TLCD4: variants seen among roughly 807,000 people sequenced by gnomAD.
TLCD4 encodes the protein TLC domain-containing protein 4.
In TLCD4, 7 loss-of-function variants were observed where a neutral mutation model predicts 24.2. That is an observed-to-expected ratio of 0.29 (90% CI 0.16 to 0.54). The LOEUF (loss-of-function observed/expected upper bound fraction) is 0.54, where lower values mean the gene tolerates loss of function less well. Among genes scored for constraint, TLCD4 ranks in the 20% least tolerant of loss-of-function variants. The probability of loss-of-function intolerance (pLI) is 0.95; values close to 1 mark genes in which losing one functional copy is unlikely to be tolerated. For synonymous variants in TLCD4, 103 were observed against 106.4 expected, an observed-to-expected ratio of 0.97 and a Z score of 0.20; for missense variants, 259 against 313.9, an observed-to-expected ratio of 0.82 and a Z score of 1.32.
chr1:95,097,193 AT>A, the TLCD4 span, among the ~76,000 whole-genome samples: 1 of 152,228 alleles, frequency 6.6e-6, no homozygotes, highest in Non-Finnish European at 1.5e-5. Context: ...TAGGATATCC[AT>A]CACCTTAAAT....
At chr1:95,140,107 T>C (rs1453731951) in intron 1 of TLCD4, among the ~76,000 whole-genome samples, 1 of 151,562 alleles carries the variant, frequency 6.6e-6, no homozygotes, top group Admixed American at 6.6e-5. Context: ...GTGTGTGTGG[T>C]TTTTTTTAAT....
At position 95,143,954 on chromosome 1, in the gene TLCD4, C is replaced by T. The variant is rs1357183381; in HGVS notation, c.53C>T (p.Thr18Ile). 4 of 1,571,236 alleles carry T rather than the reference C, an allele frequency of 2.5e-6. No homozygotes were observed. The highest frequency in any genetic ancestry group is 1.7e-4 in the Middle Eastern group (1 of 5,892). ...LISVTCISFF[T>I]FQLLFYFVSY... is the part of the protein sequence containing the mutation. ...AGTGTTACCTGTATCAGCTTTTTCA[C>T]CTTTCAGCTTCTTTTCTACTTTGTA... Residue 18 changes from threonine to isoleucine, a missense_variant, in exon 2 of 7, where the codon ACC becomes ATC. Physicochemically the swap from Thr to Ile is moderately conservative, Grantham distance 89. Transcript: ENST00000370203.
chr1:95,110,455 A>G, the TLCD4 span, among the ~76,000 whole-genome samples: 2 of 152,140 alleles, frequency 1.3e-5, no homozygotes, highest in Non-Finnish European at 2.9e-5. Flanking sequence ...ATGTCCAACA[A>G]TAAGGGATTG....
intron 5 of TLCD4, among the ~76,000 whole-genome samples, chr1:95,153,930 A>G (rs1037608161): frequency 1.3e-5 from 2 of 152,104 alleles, no homozygotes; most frequent in Non-Finnish European, 2.9e-5. Context: ...GGGGTGGTAA[A>G]GAGAGGTAGG....
chr1:95,151,784 G>C (rs1420590524), intron 5 of TLCD4, among the ~76,000 whole-genome samples: 1 of 152,102 alleles, frequency 6.6e-6, no homozygotes, highest in African/African-American at 2.4e-5. Context: ...TTTCTTTTCT[G>C]TTTAATTCCA....
intron 5 of TLCD4, among the ~76,000 whole-genome samples, chr1:95,154,448 C>T (rs1677576838): frequency 6.6e-6 from 1 of 152,098 alleles, no homozygotes; most frequent in Admixed American, 6.6e-5. Flanking sequence ...GTAAGGATTA[C>T]CTATAGTAAA....
upstream of TLCD4, among the ~76,000 whole-genome samples, chr1:95,113,891 A>G (rs1006936399): frequency 6.6e-6 from 1 of 151,936 alleles, no homozygotes; most frequent in African/African-American, 2.4e-5. Flanking sequence ...GTCATGTGAT[A>G]TGGTATCTGT....
intron 6 of TLCD4, among the ~76,000 whole-genome samples, chr1:95,184,368 G>A (rs1172429942): frequency 6.7e-6 from 1 of 150,234 alleles, no homozygotes; most frequent in African/African-American, 2.5e-5. Flanking sequence ...TTTTTTCTGT[G>A]CCTGCAAATA....
At chr1:95,113,636 TG>T (rs1337843673), upstream of TLCD4, among the ~76,000 whole-genome samples, 3 of 152,202 alleles carry the variant, frequency 2.0e-5, no homozygotes, top group Non-Finnish European at 2.9e-5. Context: ...AAGAATTATT[TG>T]ATTTTTCACT....
At chr1:95,129,594 T>G (rs940309172) in intron 1 of TLCD4, among the ~76,000 whole-genome samples, 4 of 152,070 alleles carry the variant, frequency 2.6e-5, no homozygotes, top group Non-Finnish European at 5.9e-5. Flanking sequence ...ATACAAAAAT[T>G]AGCCGGGTAT....
chr1:95,179,316 T>TG (rs569214966), intron 6 of TLCD4, among the ~76,000 whole-genome samples: 413 of 152,336 alleles, frequency 2.7e-3, no homozygotes, highest in Non-Finnish European at 4.9e-3. Flanking sequence ...TTTTGGTCAG[T>TG]GGGGCTCTAG....
intron 5 of TLCD4, among the ~76,000 whole-genome samples, chr1:95,165,863 T>C (rs1215400761): frequency 6.6e-6 from 1 of 152,164 alleles, no homozygotes; most frequent in East Asian, 1.9e-4. Context: ...GGCTGCTTGG[T>C]TTCTGTTGTT....
At chr1:95,116,701 A>T (rs997729050), upstream of TLCD4, among the ~76,000 whole-genome samples, 2 of 152,204 alleles carry the variant, frequency 1.3e-5, no homozygotes, top group Non-Finnish European at 2.9e-5. Context: ...TTTATCTACT[A>T]GGCAACTTGG....
intron 4 of TLCD4, 147 bp from the exon 5 acceptor site, chr1:95,151,178 A>T: frequency 1.3e-6 from 1 of 773,354 alleles, no homozygotes; most frequent in Non-Finnish European, 2.1e-6. Context: ...ATGGTAAAGT[A>T]GATAATCAGA....
chr1:95,178,385 G>C (rs1678508987), intron 6 of TLCD4, among the ~76,000 whole-genome samples: 1 of 152,046 alleles, frequency 6.6e-6, no homozygotes, highest in South Asian at 2.1e-4. Flanking sequence ...TCAGCCTCCT[G>C]AGTAGCTGGG....
At chr1:95,125,349 A>G (rs1676706356) in intron 1 of TLCD4, among the ~76,000 whole-genome samples, 1 of 152,158 alleles carries the variant, frequency 6.6e-6, no homozygotes, top group Non-Finnish European at 1.5e-5. Flanking sequence ...CCATATCTAG[A>G]TTTTTTGACT....
intron 1 of TLCD4, chr1:95,120,119 C>G (rs2100898384): frequency 6.6e-6 from 1 of 152,254 alleles, no homozygotes; most frequent in South Asian, 2.1e-4. Flanking sequence ...TTTTCTTCTT[C>G]CATTTGCCTT....
At chr1:95,107,284 G>T in the TLCD4 span, among the ~76,000 whole-genome samples, 5 of 152,122 alleles carry the variant, frequency 3.3e-5, no homozygotes, top group Non-Finnish European at 7.3e-5. Flanking sequence ...TTAGCCGGGC[G>T]TGGTGGTGGG....
chr1:95,150,358 A>G, intron 4 of TLCD4, 92 bp downstream of exon 4: 1 of 1,499,412 alleles, frequency 6.7e-7, no homozygotes, highest in Admixed American at 2.3e-5. Context: ...GGTTTATTTG[A>G]GAGATAGCAT....
Sources: allele counts gnomAD v4.1 joint callset (sites outside exome capture counted in the v4.1 genomes callset), GRCh38; gene constraint gnomAD v4.1.1; transcripts MANE v1.5; gene names NCBI Gene and HGNC (gene_info 2026-07-23, HGNC 2026-07-21).